Variants in HTR2C observed in about 807,000 individuals in gnomAD.
HTR2C encodes 5-hydroxytryptamine (serotonin) receptor 2C, G protein-coupled.
A neutral mutation model predicts 21.0 loss-of-function variants in HTR2C; 5 were observed. That is an observed-to-expected ratio of 0.24 (90% CI 0.12 to 0.50). The LOEUF is 0.50. HTR2C is among the 20% of genes least tolerant of loss of function. HTR2C has a pLI of 0.98. For missense variants in HTR2C, 271 were observed against 371.2 expected (o/e 0.73, Z 2.22); for synonymous variants, 150 against 145.3 (o/e 1.03, Z -0.23).
intron 5 of HTR2C, among the ~76,000 whole-genome samples, chrX:114,905,800 C>T (rs2071367732): frequency 9.0e-6 from 1 of 111,714 alleles, no homozygotes; most frequent in African/African-American, 3.3e-5. Context: ...ACCTTCTGCT[C>T]CCACCTCCTC....
chrX:114,762,494 A>C (rs2069890169), intron 4 of HTR2C, among the ~76,000 whole-genome samples: 1 of 111,585 alleles, frequency 9.0e-6, no homozygotes, highest in African/African-American at 3.3e-5. Flanking sequence ...CATATATATT[A>C]ATACCTCCAA....
chrX:114,786,909 G>T (rs1293946311), intron 4 of HTR2C, among the ~76,000 whole-genome samples: 1 of 110,335 alleles, frequency 9.1e-6, no homozygotes, highest in South Asian at 3.8e-4. Flanking sequence ...GTTTTGTTTT[G>T]TTTTTTGCTT....
intron 4 of HTR2C, among the ~76,000 whole-genome samples, chrX:114,846,383 A>T (rs1340837954): frequency 8.9e-6 from 1 of 112,159 alleles, no homozygotes; most frequent in Non-Finnish European, 1.9e-5. Context: ...ATTATAGATT[A>T]GTATTGTTTA....
intron 4 of HTR2C, among the ~76,000 whole-genome samples, chrX:114,803,818 C>T (rs1383504798): frequency 9.0e-6 from 1 of 111,179 alleles, no homozygotes; most frequent in African/African-American, 3.3e-5. Flanking sequence ...ATGCCTATGT[C>T]CTGAATGGCT....
intron 3 of HTR2C, among the ~76,000 whole-genome samples, chrX:114,730,086 G>A (rs2069521195): frequency 8.9e-6 from 1 of 111,809 alleles, no homozygotes; most frequent in Admixed American, 9.6e-5. Flanking sequence ...GTTTTAAGCA[G>A]GAAATATTGA....
intron 3 of HTR2C, among the ~76,000 whole-genome samples, chrX:114,727,522 A>G (rs1415934352): frequency 1.8e-5 from 2 of 111,977 alleles, no homozygotes; most frequent in African/African-American, 6.5e-5. Context: ...TCAAATAATA[A>G]GCAATTCTAA....
At chrX:114,819,423 A>G (rs946617297) in intron 4 of HTR2C, among the ~76,000 whole-genome samples, 2 of 112,282 alleles carry the variant, frequency 1.8e-5, no homozygotes, top group Non-Finnish European at 3.8e-5. Flanking sequence ...TAGGTGCTTT[A>G]TGATGAACAG....
chrX:114,756,216 G>A (rs2069812215), intron 4 of HTR2C, among the ~76,000 whole-genome samples: 1 of 111,892 alleles, frequency 8.9e-6, no homozygotes, highest in Non-Finnish European at 1.9e-5. Context: ...CCAAGGATGT[G>A]GAGAAACTGG....
intron 2 of HTR2C, among the ~76,000 whole-genome samples, chrX:114,632,523 T>A (rs1556404478): frequency 8.9e-6 from 1 of 112,316 alleles, no homozygotes; most frequent in Non-Finnish European, 1.9e-5. Context: ...CTGATTGATA[T>A]GTAAAACCCA....
intron 5 of HTR2C, among the ~76,000 whole-genome samples, chrX:114,848,646 A>T (rs1326007804): frequency 9.0e-6 from 1 of 111,454 alleles, no homozygotes; most frequent in Non-Finnish European, 1.9e-5. Flanking sequence ...TCAGTAGAAA[A>T]ATTAATAATG....
intron 4 of HTR2C, among the ~76,000 whole-genome samples, chrX:114,750,696 CA>C (rs782314054): frequency 4.8e-4 from 54 of 112,255 alleles, no homozygotes; most frequent in Admixed American, 2.0e-3. Flanking sequence ...CAGAAGGACA[CA>C]TAATTCGTAT....
intron 5 of HTR2C, among the ~76,000 whole-genome samples, chrX:114,864,499 G>C (rs1293132095): frequency 9.0e-6 from 1 of 111,275 alleles, no homozygotes; most frequent in Non-Finnish European, 1.9e-5. Context: ...ACTTAGTGTA[G>C]CTTCCATTAT....
chrX:114,605,280 A>C (rs1928358456), intron 1 of HTR2C, among the ~76,000 whole-genome samples: 1 of 111,299 alleles, frequency 9.0e-6, no homozygotes, highest in African/African-American at 3.3e-5. Context: ...TGAGGAGGGG[A>C]GGTGATAAAA....
intron 2 of HTR2C, among the ~76,000 whole-genome samples, chrX:114,688,236 G>A (rs928455746): frequency 2.6e-4 from 28 of 106,984 alleles, no homozygotes; most frequent in African/African-American, 8.2e-4. Context: ...CAATAGAATC[G>A]CTTGAACCTG....
At chrX:114,769,227 A>G (rs1237357382) in intron 4 of HTR2C, among the ~76,000 whole-genome samples, 1 of 111,418 alleles carries the variant, frequency 9.0e-6, no homozygotes, top group Non-Finnish European at 1.9e-5. Context: ...TGCTATGAAT[A>G]CAATAACAAT....
At chrX:114,758,127 C>T (rs1181036658) in intron 4 of HTR2C, among the ~76,000 whole-genome samples, 1 of 111,794 alleles carries the variant, frequency 8.9e-6, no homozygotes. Context: ...AATCAATGTA[C>T]AAATTGAATA....
intron 4 of HTR2C, among the ~76,000 whole-genome samples, chrX:114,734,564 TA>T (rs61672860): frequency 2.9e-4 from 10 of 34,313 alleles, no homozygotes; most frequent in African/African-American, 9.0e-4. Flanking sequence ...GCCTTACATG[TA>T]AAAAAAAAAA....
chrX:114,688,235 C>T (rs782013494), intron 2 of HTR2C, among the ~76,000 whole-genome samples: 2 of 106,911 alleles, frequency 1.9e-5, no homozygotes, highest in Non-Finnish European at 3.8e-5. Context: ...GCAATAGAAT[C>T]GCTTGAACCT....
chrX:114,669,041 G>A lies in HTR2C; in HGVS notation c.-80+55160G>A, dbSNP rs180799412. On this transcript the variant is annotated intron_variant, in intron 2 of 5. Coordinates refer to ENST00000276198, the MANE Select transcript of HTR2C (RefSeq NM_000868.4). ...TGATTTACAGAGGTCAAAAGTAAAG[G>A]TACATGTGTTATACAATACTGTCTA... Among the ~76,000 whole-genome samples the A allele has an allele frequency of 1.6e-3, 178 of 110,812 alleles. 1 individual carries two copies. Among genetic ancestry groups the A allele is most frequent in the African/African-American group, 5.7e-3 (173 of 30,534 alleles).
Sources: gnomAD v4.1 joint callset for allele counts (sites outside exome capture counted in the v4.1 genomes callset) on GRCh38, gnomAD v4.1.1 for gene constraint, MANE v1.5 for transcripts, NCBI Gene and HGNC (gene_info 2026-07-23, HGNC 2026-07-21) for gene names.